The following AFF3 variants were observed in gnomAD, a reference collection of about 807,000 sequenced individuals.
AFF3 encodes ALF transcription elongation factor 3.
Under a neutral mutation model 129.7 loss-of-function variants are expected in AFF3, and 32 were observed. The ratio of observed to expected loss-of-function variants is 0.25; its 90% CI spans 0.19 to 0.33. The LOEUF is 0.33. Among genes scored for constraint, AFF3 ranks in the 10% least tolerant of loss-of-function variants. AFF3 has a pLI of 1.00. For missense variants in AFF3, 1,373 were observed against 1,592.0 expected (o/e 0.86, Z 2.34); for synonymous variants, 644 against 635.4 (o/e 1.01, Z -0.20).
At chr2:99,670,020 C>A (rs1687015967) in intron 12 of AFF3, among the ~76,000 whole-genome samples, 2 of 152,126 alleles carry the variant, frequency 1.3e-5, no homozygotes, top group Non-Finnish European at 2.9e-5. Flanking sequence ...GATGAAGTGG[C>A]AGCTTGGGGA....
intron 11 of AFF3, among the ~76,000 whole-genome samples, chr2:99,715,184 G>C (rs1678266329): frequency 6.6e-6 from 1 of 152,178 alleles, no homozygotes; most frequent in African/African-American, 2.4e-5. Context: ...CTCTGGAGTA[G>C]ACCACTCAGT....
At position 99,601,491 on chromosome 2, in the gene AFF3, C is replaced by T. The variant is rs1291034425; in HGVS notation, c.1315G>A (p.Glu439Lys). ...ESSSGSDSET[E>K]SSSSESEGSK... ...CCCTCACTCTCGCTGGAGCTGCTCT[C>T]GGTCTCCGAGTCAGATCCGGAGCTG... is the stretch of plus-strand genomic sequence containing the variant. Residue 439 changes from glutamate (E) to lysine (K), a missense_variant, in exon 14 of 25, where the codon GAG becomes AAG. This residue lies in a region of AFF3 where 413 missense variants were observed against 424.4 expected (regional missense o/e 0.97). Transcript: ENST00000672756. The T allele has an allele frequency of 4.3e-6, 7 of 1,609,208 alleles. No individual in the cohort carries two copies. Among genetic ancestry groups the T allele is most frequent in the Admixed American group, 1.7e-5 (1 of 59,310 alleles).
chr2:99,786,273 T>C (rs1488660650), intron 8 of AFF3, among the ~76,000 whole-genome samples: 2 of 152,210 alleles, frequency 1.3e-5, no homozygotes, highest in African/African-American at 4.8e-5. Context: ...GGACTGGAGA[T>C]TGATAACGGT....
intron 4 of AFF3, among the ~76,000 whole-genome samples, chr2:100,025,021 A>C (rs1311070635): frequency 1.3e-5 from 2 of 152,294 alleles, no homozygotes; most frequent in African/African-American, 2.4e-5. Context: ...CGACAGTGTA[A>C]GTTTTAATTT....
At chr2:99,672,176 TCTCACACACACACACACACACACACACA>T (rs1235554654) in intron 12 of AFF3, among the ~76,000 whole-genome samples, 1 of 37,258 alleles carries the variant, frequency 2.7e-5, no homozygotes, top group South Asian at 9.5e-4. Flanking sequence ...CCAGTTAGCT[TCTCACACACACACACACACACACACACA>T]CACACACACA....
chr2:99,968,190 T>C (rs1677980404), intron 7 of AFF3, among the ~76,000 whole-genome samples: 2 of 152,228 alleles, frequency 1.3e-5, no homozygotes. Flanking sequence ...CCTCTATGCC[T>C]ACATGACCTT....
intron 8 of AFF3, among the ~76,000 whole-genome samples, chr2:99,815,808 C>T (rs1687187076): frequency 7.1e-6 from 1 of 141,830 alleles, no homozygotes; most frequent in South Asian, 2.4e-4. Context: ...TATCCTGGTT[C>T]CTTCTCTCTC....
intron 7 of AFF3, among the ~76,000 whole-genome samples, chr2:99,902,017 G>A (rs1032290864): frequency 3.3e-5 from 5 of 150,906 alleles, no homozygotes; most frequent in African/African-American, 4.9e-5. Context: ...CCTCCTTTGC[G>A]TCTCTGCTTG....
chr2:99,973,503 T>G (rs1417067411), intron 7 of AFF3, among the ~76,000 whole-genome samples: 1 of 152,200 alleles, frequency 6.6e-6, no homozygotes. Flanking sequence ...AGACAGATGG[T>G]TATGGTTTAT....
intron 13 of AFF3, among the ~76,000 whole-genome samples, chr2:99,642,992 G>A (rs1160362871): frequency 6.6e-6 from 1 of 151,542 alleles, no homozygotes; most frequent in Non-Finnish European, 1.5e-5. Context: ...TATAACACAA[G>A]GGATAAATGC....
intron 17 of AFF3, among the ~76,000 whole-genome samples, chr2:99,581,686 C>T (rs1402322938): frequency 6.7e-6 from 1 of 148,728 alleles, no homozygotes; most frequent in Non-Finnish European, 1.5e-5. Context: ...GCTTGGCCAC[C>T]CAGCTGGTTG....
intron 13 of AFF3, among the ~76,000 whole-genome samples, chr2:99,603,989 G>A (rs1680089743): frequency 6.6e-6 from 1 of 152,148 alleles, no homozygotes. Flanking sequence ...GTGTTGGCGA[G>A]GTTGTGGAGA....
chr2:99,835,767 ATGCAGACTTCAGCCT>A, intron 8 of AFF3, among the ~76,000 whole-genome samples: 1 of 152,176 alleles, frequency 6.6e-6, no homozygotes, highest in African/African-American at 2.4e-5. Flanking sequence ...TCGCACACAC[ATGCAGACTTCAGCCT>A]TGCATATGGA....
At chr2:99,792,918 C>T (rs989402285) in intron 8 of AFF3, among the ~76,000 whole-genome samples, 4 of 152,106 alleles carry the variant, frequency 2.6e-5, no homozygotes, top group African/African-American at 7.2e-5. Context: ...ATGTTTCCTC[C>T]TCATTTGTTT....
chr2:99,595,471 T>C (rs577626283), intron 14 of AFF3, among the ~76,000 whole-genome samples: 15 of 152,224 alleles, frequency 9.9e-5, no homozygotes, highest in African/African-American at 3.4e-4. Context: ...GCTCCATACT[T>C]CAAGCTTGAT....
chr2:99,604,102 C>G (rs1680100439), intron 13 of AFF3, among the ~76,000 whole-genome samples: 2 of 152,160 alleles, frequency 1.3e-5, no homozygotes, highest in African/African-American at 4.8e-5. Context: ...TATCACTCAA[C>G]CCAGCAATCC....
At chr2:99,692,577 G>C (rs1675784230) in intron 11 of AFF3, among the ~76,000 whole-genome samples, 1 of 152,122 alleles carries the variant, frequency 6.6e-6, no homozygotes, top group African/African-American at 2.4e-5. Flanking sequence ...GCTCCCACCT[G>C]CAATGCCTGG....
chr2:99,616,996 C>T (rs1001372517), intron 13 of AFF3, among the ~76,000 whole-genome samples: 10 of 152,154 alleles, frequency 6.6e-5, no homozygotes, highest in African/African-American at 2.4e-4. Flanking sequence ...CACTTTGCTG[C>T]TTTTCCTGGT....
chr2:99,881,761 T>C (rs1162583463), intron 7 of AFF3, among the ~76,000 whole-genome samples: 4 of 152,250 alleles, frequency 2.6e-5, no homozygotes, highest in Admixed American at 2.6e-4. Context: ...TTTAGTTTAC[T>C]GAACTGAATG....
Sources: gnomAD v4.1 joint callset for allele counts (sites outside exome capture counted in the v4.1 genomes callset) on GRCh38, gnomAD v4.1.1 for gene constraint, gnomAD v4.1.1 regional missense constraint, MANE v1.5 for transcripts, NCBI Gene and HGNC (gene_info 2026-07-23, HGNC 2026-07-21) for gene names.